Variants in NDUFS1 observed in about 807,000 individuals in gnomAD.
NDUFS1 encodes the protein NADH:ubiquinone oxidoreductase core subunit S1.
In NDUFS1, 61 loss-of-function variants were observed where a neutral mutation model predicts 84.4. The ratio of observed to expected loss-of-function variants is 0.72; its 90% CI spans 0.59 to 0.89. The LOEUF (loss-of-function observed/expected upper bound fraction) is 0.89, where lower values mean the gene tolerates loss of function less well. Among genes scored for constraint, NDUFS1 ranks in the 40% least tolerant of loss-of-function variants. The pLI is 0.00. For synonymous variants in NDUFS1, 275 were observed against 290.0 expected, an observed-to-expected ratio of 0.95 and a Z score of 0.53; for missense variants, 891 against 890.0, an observed-to-expected ratio of 1.00 and a Z score of -0.01.
At position 206,117,498 on chromosome 2, in the gene NDUFS1, G is replaced by A. The variant is rs763260278; in HGVS notation, c.*6687C>T. 5 of 152,204 alleles carry A rather than the reference G, an allele frequency of 3.3e-5. No individual in the cohort carries two copies. Among genetic ancestry groups the A allele is most frequent in the Admixed American group, 1.3e-4 (2 of 15,282 alleles). 9.4% of individuals were successfully genotyped at this position (152,204 alleles called of 1,614,324 possible). On this transcript the variant is annotated 3_prime_UTR_variant, in exon 19 of 19. Transcript: ENST00000233190. ...CGCCCATGCTAGAGCGCAGTGGCGC[G>A]ATCTGGGATCACTGCAACCTCCGCC...
At position 206,114,991 on chromosome 2, in the gene NDUFS1, T is replaced by A. The variant is rs1034717748; in HGVS notation, c.*9194A>T. 2 of 152,254 alleles carry A rather than the reference T, an allele frequency of 1.3e-5. No homozygotes were observed. Among genetic ancestry groups the A allele is most frequent in the African/African-American group, 4.8e-5 (2 of 41,480 alleles). The allele number at this position is 152,254 out of a possible 1,614,324, so 9.4% of individuals were successfully genotyped here. On this transcript the variant is annotated 3_prime_UTR_variant, in exon 19 of 19. Coordinates refer to ENST00000233190, the MANE Select transcript of NDUFS1 (RefSeq NM_005006.7). ...TAGCTCATTGGTTTAAACATCTGCA[T>A]GTTTCATTTTATGATTATACAAAAA...
At chr2:206,141,815 AT>A (rs774437333) in intron 12 of NDUFS1, 125 bp downstream of exon 12, 643 of 824,434 alleles carry the variant, frequency 7.8e-4, no homozygotes, top group Non-Finnish European at 1.1e-3. Flanking sequence ...AAAAAAAAAA[AT>A]TGTCTTCCAG....
At chr2:206,144,212 T>G in intron 9 of NDUFS1, 80 bp from the exon 10 acceptor site, 11 of 1,056,474 alleles carry the variant, frequency 1.0e-5, no homozygotes, top group South Asian at 8.9e-5. Flanking sequence ...ACAAGAAATG[T>G]TATTTAAATA....
chr2:206,130,080 ATACT>A lies in NDUFS1; in HGVS notation c.1708+4_1708+7del. The A allele has an allele frequency of 6.2e-7, 1 of 1,614,084 alleles. No individual in the cohort carries two copies. Among genetic ancestry groups the A allele is most frequent in the Non-Finnish European group, 8.5e-7 (1 of 1,179,964 alleles). On this transcript the variant is annotated splice_donor_5th_base_variant and intron_variant, in intron 15 of 18. Transcript: ENST00000233190. ...TCTTTTGTTTCTGGTGTCACAGGTGATACTTACCTTGATAAATAATGAAACAATC... is the reference window on the plus strand; with the variant it reads ...TCTTTTGTTTCTGGTGTCACAGGTGATACCTTGATAAATAATGAAACAATC...
At chr2:206,125,626 T>TA (rs559597517) in intron 18 of NDUFS1, among the ~76,000 whole-genome samples, 205 of 151,874 alleles carry the variant, frequency 1.3e-3, no homozygotes, top group African/African-American at 4.8e-3. Context: ...TATTTCTTGA[T>TA]AGTGGGAGGG....
intron 13 of NDUFS1, among the ~76,000 whole-genome samples, chr2:206,137,140 T>C (rs1338376049): frequency 6.6e-6 from 1 of 152,192 alleles, no homozygotes; most frequent in East Asian, 1.9e-4. Context: ...AAGTACATTC[T>C]GTCCTATAGT....
rs1399018143 is a variant in NDUFS1, at chr2:206,132,928, G to A, written c.1553+17C>T. On this transcript the variant is annotated intron_variant, in intron 14 of 18. Transcript: ENST00000233190. ...ATTACTTGAATTTATAGTATATAAA[G>A]CAATTACTCAACAAACCTATGAAGG... 4 of 1,602,094 alleles carry A rather than the reference G, an allele frequency of 2.5e-6. No individual in the cohort carries two copies. The highest frequency in any genetic ancestry group is 3.4e-6 in the Non-Finnish European group (4 of 1,169,522).
rs947385659 is a variant in NDUFS1, at chr2:206,120,541, A to G, written c.*3644T>C. 17 of 152,224 alleles carry G rather than the reference A, an allele frequency of 1.1e-4. No homozygotes were observed. Among genetic ancestry groups the G allele is most frequent in the African/African-American group, 3.6e-4 (15 of 41,446 alleles). 9.4% of individuals were successfully genotyped at this position (152,224 alleles called of 1,614,324 possible). On this transcript the variant is annotated 3_prime_UTR_variant, in exon 19 of 19. Coordinates refer to ENST00000233190, the MANE Select transcript of NDUFS1 (RefSeq NM_005006.7). ...ATGCTTTAGCAAATAGCTTGGGTGC[A>G]TTGTGTCCAGGCCCTAGGAATCTGT...
chr2:206,115,862 G>C lies in NDUFS1; in HGVS notation c.*8323C>G. 2.0e-6 allele frequency: 1 copy of C among 506,172 alleles called. No individual in the cohort carries two copies. Among genetic ancestry groups the C allele is most frequent in the South Asian group, 2.0e-5 (1 of 49,410 alleles). The allele number at this position is 506,172 out of a possible 1,614,324, so 31.4% of individuals were successfully genotyped here. A position where few individuals can be genotyped will look rare whatever the true frequency, so the allele number is the denominator to read the frequency against. On this transcript the variant is annotated 3_prime_UTR_variant, in exon 19 of 19. Coordinates refer to ENST00000233190, the MANE Select transcript of NDUFS1 (RefSeq NM_005006.7). ...AATTTTTACCATGGATAATTTCATG[G>C]ATAATTTCATGAATACTAGAGCCTA... is the stretch of plus-strand genomic sequence containing the variant.
intron 11 of NDUFS1, among the ~76,000 whole-genome samples, chr2:206,142,389 A>AT (rs1691996966): frequency 6.6e-6 from 1 of 151,724 alleles, no homozygotes; most frequent in Non-Finnish European, 1.5e-5. Context: ...ATTTTTTTGT[A>AT]TTTTTAGTAG....
In NDUFS1 at chr2:206,152,581, G is replaced by A. The variant is rs1407401642; in HGVS notation, c.62-71C>T. On this transcript the variant is annotated intron_variant, in intron 2 of 18. Transcript: ENST00000233190. The stretch of plus-strand genomic sequence containing the variant: ...TATAGCAGATGATAATGGATGAATT[G>A]ACTCTAACTACAAACCTAAAATTTT... 9.0e-6 allele frequency: 12 copies of A among 1,326,956 alleles called. No individual in the cohort carries two copies. In the Admixed American group the frequency reaches 1.9e-4, roughly 21 times the overall value. 82.2% of individuals were successfully genotyped at this position (1,326,956 alleles called of 1,614,324 possible).
At position 206,115,921 on chromosome 2, in the gene NDUFS1, C is replaced by T. The variant is rs1160901996; in HGVS notation, c.*8264G>A. On this transcript the variant is annotated 3_prime_UTR_variant, in exon 19 of 19. Transcript: ENST00000233190. ...ATCATAGGATGTTGTGAAAAAGACACATATTATGTTTATCTACAATCATTA... is the reference window on the plus strand; with the variant it reads ...ATCATAGGATGTTGTGAAAAAGACATATATTATGTTTATCTACAATCATTA... The T allele has an allele frequency of 3.2e-6, 2 of 629,002 alleles. No homozygotes were observed. The highest frequency in any genetic ancestry group is 5.8e-5 in the East Asian group (2 of 34,686). The allele number at this position is 629,002 out of a possible 1,614,324, so 39.0% of individuals were successfully genotyped here. A position where few individuals can be genotyped will look rare whatever the true frequency, so the allele number is the denominator to read the frequency against.
intron 12 of NDUFS1, 142 bp downstream of exon 12, chr2:206,141,798 CA>C (rs200961205): frequency 0.17 from 84,770 of 499,698 alleles, no homozygotes; most frequent in South Asian, 0.22. Context: ...TCCGTCCCAC[CA>C]AAAAAAAAAA....
chr2:206,152,936 T>G (rs1285272218), intron 2 of NDUFS1, among the ~76,000 whole-genome samples: 1 of 152,064 alleles, frequency 6.6e-6, no homozygotes, highest in East Asian at 1.9e-4. Context: ...ACTCCTGACC[T>G]CAAGTAATCC....
chr2:206,144,985 T>C lies in NDUFS1; in HGVS notation c.779A>G (p.Asn260Ser), dbSNP rs777844044. Residue 260 changes from asparagine to serine, a missense_variant, in exon 9 of 19, where the codon AAT becomes AGT. Coordinates refer to ENST00000233190, the MANE Select transcript of NDUFS1 (RefSeq NM_005006.7). ...TCCAGTTCTTGTGCTAACCACAATATTACTTCCAACCGCATCCATTACATC... is the reference window on the plus strand; with the variant it reads ...TCCAGTTCTTGTGCTAACCACAATACTACTTCCAACCGCATCCATTACATC... ...SIDVMDAVGS[N>S]IVVSTRTGEV... 1.9e-6 allele frequency: 3 copies of C among 1,614,038 alleles called. No homozygotes were observed. Among genetic ancestry groups the C allele is most frequent in the South Asian group, 1.1e-5 (1 of 91,078 alleles).
chr2:206,152,442 C>A lies in NDUFS1; in HGVS notation c.130G>T (p.Glu44Ter), dbSNP rs1423601548. 2 of 1,614,108 alleles carry A rather than the reference C, an allele frequency of 1.2e-6. No individual in the cohort carries two copies. Among genetic ancestry groups the A allele is most frequent in the Non-Finnish European group, 1.7e-6 (2 of 1,179,976 alleles). ...ACTTGGAGGACGGTCGTTCCCGGTT[C>A]CACCATGACAGACTGACCATCAACA... Reference protein sequence around the residue: ...VFVDGQSVMVEPGTTVLQACE... With the variant: ...VFVDGQSVMV The change falls in exon 3 of 19, where the codon GAA becomes TAA. Residue 44 changes from glutamate (E) to a stop codon, truncating the protein, a stop_gained. Coordinates refer to ENST00000233190, the MANE Select transcript of NDUFS1 (RefSeq NM_005006.7). LOFTEE classifies it high-confidence loss of function.
rs201400549 is a variant in NDUFS1, at chr2:206,130,155, G to A, written c.1641C>T (p.Leu547=). 3.1e-6 allele frequency: 5 copies of A among 1,614,098 alleles called. No homozygotes were observed. In the African/African-American group the frequency reaches 4.0e-5, roughly 13 times the overall value. ...TGATACAACCTCCATCTGCTCCCAG[G>A]AGAAACAGCACCTTGGGAGGGTTCT... ...IRKNPPKVLF[L]LGADGGCITR... is the part of the protein sequence containing the mutation. Residue 547 remains leucine, a synonymous_variant, in exon 15 of 19, where the codon CTC becomes CTT. Coordinates refer to ENST00000233190, the MANE Select transcript of NDUFS1 (RefSeq NM_005006.7).
rs1281631218 is a variant in NDUFS1 at position 206,122,087 on chromosome 2, T to G, written c.*2098A>C. ...CTTCATGATGTATCACTGAGGAGGA[T>G]AAGATAAACAGTTCTAAAAGCTGGT... On this transcript the variant is annotated 3_prime_UTR_variant, in exon 19 of 19. Coordinates refer to ENST00000233190, the MANE Select transcript of NDUFS1 (RefSeq NM_005006.7). 2.0e-5 allele frequency: 3 copies of G among 152,154 alleles called. No homozygotes were observed. The highest frequency in any genetic ancestry group is 7.2e-5 in the African/African-American group (3 of 41,452). The allele number at this position is 152,154 out of a possible 1,614,324, so 9.4% of individuals were successfully genotyped here.
chr2:206,155,499 A>G (rs1687611993), intron 1 of NDUFS1, among the ~76,000 whole-genome samples: 1 of 151,904 alleles, frequency 6.6e-6, no homozygotes, highest in South Asian at 2.1e-4. Flanking sequence ...ATCTCGGCTC[A>G]CTGCAACCTC....
Sources: gnomAD v4.1 joint callset for allele counts (sites outside exome capture counted in the v4.1 genomes callset) on GRCh38, gnomAD v4.1.1 for gene constraint, MANE v1.5 for transcripts, NCBI Gene and HGNC (gene_info 2026-07-23, HGNC 2026-07-21) for gene names.